Variants in RPS6KC1 observed in about 807,000 individuals in gnomAD.
RPS6KC1 encodes ribosomal protein S6 kinase C1.
RPS6KC1 carries 54 observed loss-of-function variants against 103.8 expected under a neutral mutation model. The observed-to-expected ratio is 0.52, with a 90% CI of 0.42 to 0.65. RPS6KC1 has a LOEUF of 0.65. Ranked by LOEUF, RPS6KC1 falls within the 30% of genes least tolerant of loss-of-function variation. The probability of loss-of-function intolerance (pLI) is 0.00; values close to 1 mark genes in which losing one functional copy is unlikely to be tolerated. For synonymous variants in RPS6KC1, 439 were observed against 438.7 expected, an observed-to-expected ratio of 1.00 and a Z score of -0.01; for missense variants, 1,151 against 1,253.8, an observed-to-expected ratio of 0.92 and a Z score of 1.24.
rs528790309 is a variant in RPS6KC1 at position 213,051,474 on chromosome 1, C to G, written c.70C>G (p.Pro24Ala). The G allele has an allele frequency of 1.2e-6, 2 of 1,613,250 alleles. No individual in the cohort carries two copies. The highest frequency in any genetic ancestry group is 1.7e-6 in the Non-Finnish European group (2 of 1,179,732). The part of the protein sequence containing the change: ...FYTVTEPQRH[P>A]RGYTVYKVTA... ...CACTGTCACCGAGCCCCAGCGACACCCGAGGGGCTACACAGTATATAAGGT... is the reference window on the plus strand; with the variant it reads ...CACTGTCACCGAGCCCCAGCGACACGCGAGGGGCTACACAGTATATAAGGT... The change falls in exon 1 of 15, where the codon CCG (proline) becomes GCG (alanine). Residue 24 changes from proline (P) to alanine (A), a missense_variant. Coordinates refer to ENST00000366960, the MANE Select transcript of RPS6KC1 (RefSeq NM_012424.6).
the RPS6KC1 span, among the ~76,000 whole-genome samples, chr1:213,740,689 T>C: frequency 3.6e-3 from 537 of 150,472 alleles, 7 homozygotes; most frequent in African/African-American, 0.012. Context: ...CTCAGATATA[T>C]GTACACATAT....
intron 5 of RPS6KC1, among the ~76,000 whole-genome samples, chr1:213,124,619 A>G (rs867353736): frequency 6.6e-6 from 1 of 152,322 alleles, no homozygotes; most frequent in African/African-American, 2.4e-5. Context: ...TAAACTAGGC[A>G]TTGAATATTT....
chr1:213,478,722 A>G, the RPS6KC1 span, among the ~76,000 whole-genome samples: 7 of 152,092 alleles, frequency 4.6e-5, no homozygotes, highest in African/African-American at 1.7e-4. Flanking sequence ...GAGTTTTAAG[A>G]GTTCTTTGTA....
chr1:213,717,624 G>A, the RPS6KC1 span, among the ~76,000 whole-genome samples: 20 of 152,304 alleles, frequency 1.3e-4, 1 homozygote, highest in Admixed American at 7.2e-4. Context: ...TCTGAGTCAT[G>A]GCAGCCATTG....
At chr1:213,619,769 C>T in the RPS6KC1 span, among the ~76,000 whole-genome samples, 1 of 152,010 alleles carries the variant, frequency 6.6e-6, no homozygotes. Context: ...TGCAAAATGT[C>T]CAGGTGAACC....
the RPS6KC1 span, among the ~76,000 whole-genome samples, chr1:213,842,691 A>T: frequency 1.3e-3 from 204 of 152,316 alleles, 1 homozygote; most frequent in Non-Finnish European, 2.6e-3. Flanking sequence ...TTTTCTAGCC[A>T]GATTGAGCAA....
At chr1:213,529,407 G>A in the RPS6KC1 span, among the ~76,000 whole-genome samples, 1 of 152,090 alleles carries the variant, frequency 6.6e-6, no homozygotes, top group Admixed American at 6.5e-5. Context: ...AGATGGAGGA[G>A]CCAGACCAAG....
the RPS6KC1 span, among the ~76,000 whole-genome samples, chr1:213,761,081 A>T: frequency 6.6e-6 from 1 of 152,074 alleles, no homozygotes; most frequent in African/African-American, 2.4e-5. Flanking sequence ...TTAAGGTTCC[A>T]TGAGCATTTT....
the RPS6KC1 span, among the ~76,000 whole-genome samples, chr1:213,284,014 C>T: frequency 5.3e-5 from 8 of 151,822 alleles, no homozygotes; most frequent in Non-Finnish European, 1.2e-4. Flanking sequence ...CAGAATAATA[C>T]CTTTACAAAT....
At chr1:213,742,489 G>C in the RPS6KC1 span, among the ~76,000 whole-genome samples, 1 of 152,208 alleles carries the variant, frequency 6.6e-6, no homozygotes. Flanking sequence ...GAACATTTTA[G>C]CTGAAGAATA....
the RPS6KC1 span, among the ~76,000 whole-genome samples, chr1:213,399,108 G>T: frequency 1.3e-5 from 2 of 152,188 alleles, no homozygotes; most frequent in Non-Finnish European, 2.9e-5. Context: ...TCAAGGGAAA[G>T]GCTTCACTTA....
At chr1:213,365,843 A>C in the RPS6KC1 span, among the ~76,000 whole-genome samples, 2 of 152,196 alleles carry the variant, frequency 1.3e-5, no homozygotes, top group African/African-American at 4.8e-5. Flanking sequence ...TAACTACTGG[A>C]CTCTAACTTT....
the RPS6KC1 span, among the ~76,000 whole-genome samples, chr1:213,599,080 C>T: frequency 1.3e-5 from 2 of 152,024 alleles, no homozygotes; most frequent in Non-Finnish European, 1.5e-5. Context: ...CCAAATTTCA[C>T]GCAATCAAAA....
chr1:213,365,179 C>T, the RPS6KC1 span, among the ~76,000 whole-genome samples: 12 of 152,310 alleles, frequency 7.9e-5, no homozygotes, highest in South Asian at 8.3e-4. Context: ...AGTATTAAGA[C>T]GGTATGCATT....
the RPS6KC1 span, among the ~76,000 whole-genome samples, chr1:213,469,968 G>A: frequency 1.3e-5 from 2 of 152,280 alleles, no homozygotes; most frequent in East Asian, 3.9e-4. Context: ...AGCTATGATC[G>A]TACCACTGTG....
the RPS6KC1 span, among the ~76,000 whole-genome samples, chr1:213,732,354 C>CGT: frequency 0.025 from 3,740 of 150,038 alleles, 114 homozygotes; most frequent in African/African-American, 0.076. Context: ...TATGAGTGTG[C>CGT]GTGTGCGTGT....
At chr1:213,068,571 G>A (rs1277260546) in intron 1 of RPS6KC1, among the ~76,000 whole-genome samples, 1 of 151,324 alleles carries the variant, frequency 6.6e-6, no homozygotes, top group Admixed American at 6.6e-5. Flanking sequence ...TTGGAAAGGT[G>A]TGTGAGGGGA....
chr1:213,063,641 GATA>G (rs1024521518), intron 1 of RPS6KC1, among the ~76,000 whole-genome samples: 11 of 152,230 alleles, frequency 7.2e-5, no homozygotes, highest in Middle Eastern at 3.4e-3. Flanking sequence ...TAATGAGGAT[GATA>G]ATAATAAATA....
intron 8 of RPS6KC1, among the ~76,000 whole-genome samples, chr1:213,188,341 G>A (rs1328744473): frequency 2.0e-5 from 3 of 151,950 alleles, no homozygotes; most frequent in African/African-American, 7.3e-5. Flanking sequence ...TTGGTGCCAG[G>A]CAGAATGGAG....
Sources: gnomAD v4.1 joint callset for allele counts (sites outside exome capture counted in the v4.1 genomes callset) on GRCh38, gnomAD v4.1.1 for gene constraint, MANE v1.5 for transcripts, NCBI Gene and HGNC (gene_info 2026-07-23, HGNC 2026-07-21) for gene names.